Variants in HFM1 observed in about 807,000 individuals in gnomAD.
HFM1 encodes the protein probable ATP-dependent DNA helicase HFM1.
Under a neutral mutation model 192.1 loss-of-function variants are expected in HFM1, and 169 were observed. The ratio of observed to expected loss-of-function variants is 0.88; its 90% CI spans 0.78 to 1.00. The LOEUF is 1.00. Ranked by LOEUF, HFM1 falls within the 50% of genes least tolerant of loss-of-function variation. The pLI, the probability that HFM1 is intolerant of heterozygous loss-of-function variation, is 0.00. For missense variants in HFM1, 1,661 were observed against 1,668.0 expected, an observed-to-expected ratio of 1.00 and a Z score of 0.07; for synonymous variants, 525 against 537.8, an observed-to-expected ratio of 0.98 and a Z score of 0.33.
chr1:91,261,253 T>C lies in HFM1; in HGVS notation c.*37A>G. Reference sequence around the variant, plus strand: ...CATGCTTTGTGATTAGGTGTCTTTATTCTTTCTCTTATCAATATAAAAAGT... The same window carrying C: ...CATGCTTTGTGATTAGGTGTCTTTACTCTTTCTCTTATCAATATAAAAAGT... On this transcript the variant is annotated 3_prime_UTR_variant, in exon 39 of 39. Transcript: ENST00000370425. The C allele has an allele frequency of 1.1e-6, 1 of 910,140 alleles. No homozygotes were observed. The highest frequency in any genetic ancestry group is 1.5e-6 in the Non-Finnish European group (1 of 651,356). The allele number at this position is 910,140 out of a possible 1,614,324, so 56.4% of individuals were successfully genotyped here. A position where few individuals can be genotyped will look rare whatever the true frequency, so the allele number is the denominator to read the frequency against.
chr1:91,347,452 TC>T lies in HFM1; in HGVS notation c.2230del (p.Asp744MetfsTer12). On this transcript the variant is annotated frameshift_variant, in exon 19 of 39. Transcript: ENST00000370425. LOFTEE classifies it high-confidence loss of function. ...HYGFASGLNK[D>X]GIEAKLQELC... ...ACCTTGTAATTTTGCTTCAATTCCA[TC>T]TTTGTTCAATCCAGATGCAAAACCT... 6.3e-7 allele frequency: 1 copy of T among 1,589,764 alleles called. No homozygotes were observed. Among genetic ancestry groups the T allele is most frequent in the South Asian group, 1.2e-5 (1 of 86,598 alleles).
intron 4 of HFM1, among the ~76,000 whole-genome samples, chr1:91,392,601 T>C (rs1048687319): frequency 2.0e-5 from 3 of 151,726 alleles, no homozygotes; most frequent in African/African-American, 7.3e-5. Context: ...TGTCATGGGG[T>C]TGGGGGTGGG....
chr1:91,264,928 C>T (rs967427193), intron 36 of HFM1, among the ~76,000 whole-genome samples: 3 of 152,102 alleles, frequency 2.0e-5, no homozygotes, highest in Non-Finnish European at 2.9e-5. Flanking sequence ...ACCTAGGTGC[C>T]ATTTATTCTT....
intron 32 of HFM1, among the ~76,000 whole-genome samples, chr1:91,275,624 T>A (rs1666731202): frequency 6.6e-6 from 1 of 152,196 alleles, no homozygotes; most frequent in African/African-American, 2.4e-5. Flanking sequence ...AACCTGGGCA[T>A]CATTTTTGAC....
At chr1:91,335,501 G>C (rs573200660) in intron 20 of HFM1, among the ~76,000 whole-genome samples, 39 of 152,216 alleles carry the variant, frequency 2.6e-4, no homozygotes, top group African/African-American at 8.9e-4. Flanking sequence ...TAAGGAAAAT[G>C]AGTCAAAGCA....
At chr1:91,321,177 C>T (rs1049417454) in intron 23 of HFM1, among the ~76,000 whole-genome samples, 2 of 152,230 alleles carry the variant, frequency 1.3e-5, no homozygotes, top group African/African-American at 4.8e-5. Context: ...CACGCTGGCT[C>T]ACGCCTGTAA....
chr1:91,356,204 C>G (rs1050153127), intron 13 of HFM1, among the ~76,000 whole-genome samples: 1 of 151,320 alleles, frequency 6.6e-6, no homozygotes, highest in Non-Finnish European at 1.5e-5. Flanking sequence ...AGACAACACA[C>G]CAAAACCTAT....
intron 30 of HFM1, among the ~76,000 whole-genome samples, chr1:91,287,700 C>G (rs1436153200): frequency 6.6e-6 from 1 of 151,642 alleles, no homozygotes; most frequent in African/African-American, 2.4e-5. Flanking sequence ...AGTCTTCAGA[C>G]GATCAAATTA....
rs118013163 is a variant in HFM1, at chr1:91,393,714, T to C, written c.494+379A>G. ...CCCTTCTATTATAATTTATCCTCCATACTGGGGCCAAAATGAACTCTTAAA... is the reference window on the plus strand; with the variant it reads ...CCCTTCTATTATAATTTATCCTCCACACTGGGGCCAAAATGAACTCTTAAA... On this transcript the variant is annotated intron_variant, in intron 4 of 38. Coordinates refer to ENST00000370425, the MANE Select transcript of HFM1 (RefSeq NM_001017975.6). 5.9e-5 allele frequency among the ~76,000 whole-genome samples: 9 copies of C among 152,192 alleles called. No individual in the cohort carries two copies. In the East Asian group the frequency reaches 1.2e-3, roughly 20 times the overall value.
intron 13 of HFM1, among the ~76,000 whole-genome samples, chr1:91,370,236 T>A (rs1004554599): frequency 6.6e-6 from 1 of 152,104 alleles, no homozygotes; most frequent in Non-Finnish European, 1.5e-5. Flanking sequence ...CCTAACGCAT[T>A]TTATGAGGCC....
intron 20 of HFM1, among the ~76,000 whole-genome samples, chr1:91,339,167 A>G (rs552871927): frequency 6.6e-6 from 1 of 151,512 alleles, no homozygotes; most frequent in African/African-American, 2.4e-5. Flanking sequence ...AGACAGACGA[A>G]AAACAATTAG....
chr1:91,261,748 G>A (rs1665177932), intron 38 of HFM1: 1 of 157,260 alleles, frequency 6.4e-6, no homozygotes, highest in Admixed American at 6.5e-5. Context: ...AGTGTGAACA[G>A]GTCTCAAATC....
intron 30 of HFM1, among the ~76,000 whole-genome samples, chr1:91,277,842 C>T (rs1188793972): frequency 2.6e-5 from 3 of 115,442 alleles, no homozygotes; most frequent in Admixed American, 1.1e-4. Context: ...ATAATATATA[C>T]TAATATATAT....
At position 91,351,618 on chromosome 1, in the gene HFM1, A is replaced by G. The variant is rs368136550; in HGVS notation, c.2003T>C (p.Ile668Thr). Reference sequence around the variant, plus strand: ...GTCCCTTGTGCTTAATCGAGTCATGATAACTGCAGTAGCTGTAGTGTCAAA... The same window carrying G: ...GTCCCTTGTGCTTAATCGAGTCATGGTAACTGCAGTAGCTGTAGTGTCAAA... ...PQFDTTATAVIMTRLSTRDKY... is the reference protein window; with the variant it reads ...PQFDTTATAVTMTRLSTRDKY... Residue 668 changes from isoleucine to threonine, a missense_variant, in exon 17 of 39, where the codon ATC becomes ACC. Transcript: ENST00000370425. The G allele has an allele frequency of 2.5e-6, 4 of 1,600,380 alleles. No homozygotes were observed. Among genetic ancestry groups the G allele is most frequent in the East Asian group, 2.3e-5 (1 of 44,416 alleles).
chr1:91,301,150 C>A (rs1648705218), intron 30 of HFM1, among the ~76,000 whole-genome samples: 1 of 135,734 alleles, frequency 7.4e-6, no homozygotes, highest in South Asian at 2.4e-4. Context: ...AACAGACAAA[C>A]AGAGCCAAAT....
chr1:91,264,361 ATTTTTTTTTTTTTT>A (rs71087940), intron 36 of HFM1, among the ~76,000 whole-genome samples: 5 of 57,096 alleles, frequency 8.8e-5, no homozygotes, highest in South Asian at 7.9e-4. Context: ...CAAATTTAGT[ATTTTTTTTTTTTTT>A]TTTTTTTTTT....
chr1:91,313,796 T>TA (rs1468146535), intron 29 of HFM1, among the ~76,000 whole-genome samples, 161 bp downstream of exon 29: 3 of 152,132 alleles, frequency 2.0e-5, no homozygotes, highest in Non-Finnish European at 4.4e-5. Context: ...TTTACATATC[T>TA]AAATACATGA....
rs115597429 is a variant in HFM1 at position 91,303,077 on chromosome 1, A to G, written c.3391+10272T>C. ...CTGTACAATTCAGTGGGTTTTTAGT[A>G]TATTCCCAAGGTTGTGCAACAGTCA... On this transcript the variant is annotated intron_variant, in intron 30 of 38. Coordinates refer to ENST00000370425, the MANE Select transcript of HFM1 (RefSeq NM_001017975.6). 4.2e-3 allele frequency among the ~76,000 whole-genome samples: 633 copies of G among 152,306 alleles called. 7 individuals carry two copies. Among genetic ancestry groups the G allele is most frequent in the African/African-American group, 0.015 (612 of 41,568 alleles).
At chr1:91,388,499 G>A (rs771939389) in intron 4 of HFM1, among the ~76,000 whole-genome samples, 2 of 152,086 alleles carry the variant, frequency 1.3e-5, no homozygotes, top group Non-Finnish European at 2.9e-5. Flanking sequence ...CATTCAGTAG[G>A]GAAAGAACAG....
Sources: allele counts gnomAD v4.1 joint callset (sites outside exome capture counted in the v4.1 genomes callset), GRCh38; gene constraint gnomAD v4.1.1; transcripts MANE v1.5; gene names NCBI Gene and HGNC (gene_info 2026-07-23, HGNC 2026-07-21).